Variants in EXOC4 observed in about 807,000 individuals in gnomAD.
EXOC4 encodes the protein SEC8-like 1.
A neutral mutation model predicts 107.2 loss-of-function variants in EXOC4; 71 were observed. The ratio of observed to expected loss-of-function variants is 0.66; its 90% CI spans 0.55 to 0.81. The LOEUF (loss-of-function observed/expected upper bound fraction) is 0.81. EXOC4 is among the 30% of genes least tolerant of loss of function. The pLI, the probability that EXOC4 is intolerant of heterozygous loss-of-function variation, is 0.00. For synonymous variants in EXOC4, 456 were observed against 441.2 expected (o/e 1.03, Z -0.42); for missense variants, 1,108 against 1,189.6 (o/e 0.93, Z 1.01).
chr7:133,604,413 A>T (rs1056978493), intron 9 of EXOC4, among the ~76,000 whole-genome samples: 1 of 152,222 alleles, frequency 6.6e-6, no homozygotes, highest in Non-Finnish European at 1.5e-5. Flanking sequence ...TGTTTTTACC[A>T]GCCTCACTAC....
At chr7:133,545,497 A>C (rs890186557) in intron 9 of EXOC4, among the ~76,000 whole-genome samples, 1 of 152,176 alleles carries the variant, frequency 6.6e-6, no homozygotes, top group African/African-American at 2.4e-5. Flanking sequence ...ATTAAATGCC[A>C]TATCTTGATT....
intron 5 of EXOC4, among the ~76,000 whole-genome samples, chr7:133,339,531 T>C (rs940846876): frequency 2.6e-5 from 4 of 152,192 alleles, no homozygotes; most frequent in Non-Finnish European, 5.9e-5. Flanking sequence ...GATTGTTTTT[T>C]CTAGTTCTGT....
chr7:133,390,266 A>G lies in EXOC4; in HGVS notation c.1182+15264A>G, dbSNP rs75123701. On this transcript the variant is annotated intron_variant, in intron 7 of 17. Transcript: ENST00000253861. ...AGTTCGTCAGCTTAATCGGCTTTCTATAGTTGTCACAGCAAAATATTACAC... is the reference window on the plus strand; with the variant it reads ...AGTTCGTCAGCTTAATCGGCTTTCTGTAGTTGTCACAGCAAAATATTACAC... 4.9e-3 allele frequency among the ~76,000 whole-genome samples: 741 copies of G among 152,334 alleles called. 4 individuals are homozygous for G. Among genetic ancestry groups the G allele is most frequent in the Middle Eastern group, 0.017 (5 of 294 alleles).
intron 12 of EXOC4, among the ~76,000 whole-genome samples, chr7:133,917,102 T>C (rs1471521100): frequency 6.6e-6 from 1 of 151,918 alleles, no homozygotes; most frequent in East Asian, 1.9e-4. Flanking sequence ...AAGAGAGGGG[T>C]GTCCATGATT....
At chr7:133,465,395 A>G (rs1798703057) in intron 7 of EXOC4, among the ~76,000 whole-genome samples, 1 of 152,226 alleles carries the variant, frequency 6.6e-6, no homozygotes, top group Non-Finnish European at 1.5e-5. Context: ...TCCAAAATAC[A>G]TGGAGGAAAA....
chr7:133,896,303 A>C (rs1387672354), intron 12 of EXOC4, among the ~76,000 whole-genome samples: 1 of 152,204 alleles, frequency 6.6e-6, no homozygotes, highest in Non-Finnish European at 1.5e-5. Flanking sequence ...CTTGTGGAAA[A>C]GATCATAGCA....
intron 10 of EXOC4, among the ~76,000 whole-genome samples, chr7:133,691,891 G>T (rs1255319766): frequency 1.3e-5 from 2 of 152,118 alleles, no homozygotes; most frequent in South Asian, 2.1e-4. Context: ...ATCACAGGAA[G>T]CCTTCACATG....
downstream of EXOC4, among the ~76,000 whole-genome samples, chr7:134,070,378 A>C (rs113203398): frequency 2.3e-3 from 348 of 152,364 alleles, no homozygotes; most frequent in East Asian, 0.028. Context: ...AATTTTGAAG[A>C]GGTGTAGTAA....
In EXOC4 at chr7:133,758,435, G is replaced by A. The variant is rs556073727; in HGVS notation, c.1515-58890G>A. Reference sequence around the variant, plus strand: ...ATTACAGGCATGAGCCACCGTGCCCGGCCCATAGTTTATTCCTTGAATTGA... The same window carrying A: ...ATTACAGGCATGAGCCACCGTGCCCAGCCCATAGTTTATTCCTTGAATTGA... On this transcript the variant is annotated intron_variant, in intron 10 of 17. Coordinates refer to ENST00000253861, the MANE Select transcript of EXOC4 (RefSeq NM_021807.4). Among the ~76,000 whole-genome samples, 12 of 152,254 alleles carry A rather than the reference G, an allele frequency of 7.9e-5. No homozygotes were observed. In the South Asian group the frequency reaches 8.3e-4, roughly 11 times the overall value.
At chr7:133,878,722 ATGTT>A (rs964550532) in intron 11 of EXOC4, among the ~76,000 whole-genome samples, 1 of 151,276 alleles carries the variant, frequency 6.6e-6, no homozygotes, top group Non-Finnish European at 1.5e-5. Context: ...TGTTTTTTTT[ATGTT>A]TGTTTGTTTG....
intron 14 of EXOC4, among the ~76,000 whole-genome samples, chr7:133,951,192 A>T (rs961698862): frequency 6.6e-6 from 1 of 152,094 alleles, no homozygotes; most frequent in African/African-American, 2.4e-5. Context: ...ACCCAGCCCT[A>T]CCCATGGAAT....
chr7:133,303,399 ACT>A (rs760516631), intron 3 of EXOC4, among the ~76,000 whole-genome samples: 72 of 152,174 alleles, frequency 4.7e-4, no homozygotes, highest in Non-Finnish European at 6.3e-4. Flanking sequence ...GTGCCATTGC[ACT>A]CTAGCCTGGG....
At chr7:133,729,996 C>T (rs1015586498) in intron 10 of EXOC4, among the ~76,000 whole-genome samples, 5 of 151,506 alleles carry the variant, frequency 3.3e-5, no homozygotes, top group African/African-American at 1.2e-4. Flanking sequence ...TTATAGCATT[C>T]GGATAAATAA....
chr7:133,718,289 A>G (rs917793331), intron 10 of EXOC4, among the ~76,000 whole-genome samples: 3 of 152,146 alleles, frequency 2.0e-5, no homozygotes, highest in Non-Finnish European at 2.9e-5. Context: ...AAGCATTCTT[A>G]TTGGTGGGGA....
chr7:133,660,952 C>A (rs780190651), intron 10 of EXOC4, among the ~76,000 whole-genome samples: 37 of 152,124 alleles, frequency 2.4e-4, no homozygotes, highest in Non-Finnish European at 4.7e-4. Context: ...TTTTAAAAAA[C>A]CCCAGAAATC....
chr7:133,479,354 T>A (rs907747347), intron 8 of EXOC4: 1 of 152,220 alleles, frequency 6.6e-6, no homozygotes, highest in Non-Finnish European at 1.5e-5. Flanking sequence ...AGTCTCTCCC[T>A]CCTTCTCCCT....
intron 8 of EXOC4, among the ~76,000 whole-genome samples, chr7:133,478,166 A>G (rs1302397167): frequency 6.7e-6 from 1 of 150,362 alleles, no homozygotes; most frequent in Non-Finnish European, 1.5e-5. Context: ...GCTCAATTTA[A>G]CCTTCTAAAT....
intron 9 of EXOC4, among the ~76,000 whole-genome samples, chr7:133,548,613 C>T (rs576560664): frequency 1.2e-4 from 18 of 152,306 alleles, no homozygotes; most frequent in Admixed American, 1.1e-3. Flanking sequence ...CTTCACCTTG[C>T]CCTTTTATGT....
intron 10 of EXOC4, among the ~76,000 whole-genome samples, chr7:133,761,564 G>C (rs774387172): frequency 1.3e-5 from 2 of 152,132 alleles, no homozygotes; most frequent in Admixed American, 6.6e-5. Flanking sequence ...GTTGGCTGTT[G>C]ACTCAGTGAA....
Sources: allele counts gnomAD v4.1 joint callset (sites outside exome capture counted in the v4.1 genomes callset), GRCh38; gene constraint gnomAD v4.1.1; transcripts MANE v1.5; gene names NCBI Gene and HGNC (gene_info 2026-07-23, HGNC 2026-07-21).